Variants in IGF1R observed in about 807,000 individuals in gnomAD.
IGF1R encodes insulin like growth factor 1 receptor, also known as insulin-like growth factor 1 receptor.
A neutral mutation model predicts 144.6 loss-of-function variants in IGF1R; 44 were observed. The observed-to-expected ratio is 0.30, with a 90% CI of 0.24 to 0.39. The LOEUF (loss-of-function observed/expected upper bound fraction) is 0.39. Ranked by LOEUF, IGF1R falls within the 10% of genes least tolerant of loss-of-function variation. The pLI is 1.00. For synonymous variants in IGF1R, 795 were observed against 722.8 expected (o/e 1.10, Z -1.60); for missense variants, 1,355 against 1,833.7 (o/e 0.74, Z 4.77).
intron 1 of IGF1R, among the ~76,000 whole-genome samples, chr15:98,701,048 C>CT (rs1389333241): frequency 1.8e-4 from 28 of 152,114 alleles, no homozygotes; most frequent in African/African-American, 6.3e-4. Context: ...GTGATAGTGT[C>CT]TAGAGAGGGT....
intron 2 of IGF1R, among the ~76,000 whole-genome samples, chr15:98,726,555 C>G (rs2054364902): frequency 6.6e-6 from 1 of 152,074 alleles, no homozygotes; most frequent in South Asian, 2.1e-4. Context: ...ACATCTATGA[C>G]TCTTATGAGA....
At chr15:98,735,076 A>C (rs1234790076) in intron 2 of IGF1R, among the ~76,000 whole-genome samples, 1 of 152,186 alleles carries the variant, frequency 6.6e-6, no homozygotes, top group Non-Finnish European at 1.5e-5. Flanking sequence ...GGGTTCACCC[A>C]CAAGTTCCGA....
At chr15:98,934,090 G>A (rs1413859772) in intron 15 of IGF1R, among the ~76,000 whole-genome samples, 1 of 150,586 alleles carries the variant, frequency 6.6e-6, no homozygotes, top group Non-Finnish European at 1.5e-5. Flanking sequence ...CATGGAGTCA[G>A]TATTAAAGTT....
At chr15:98,895,677 C>T (rs942833292) in intron 3 of IGF1R, among the ~76,000 whole-genome samples, 14 of 152,108 alleles carry the variant, frequency 9.2e-5, no homozygotes, top group Non-Finnish European at 4.4e-5. Flanking sequence ...TTAAACAAAA[C>T]AGAACCCTGC....
chr15:98,838,390 A>G (rs747802937), intron 2 of IGF1R, among the ~76,000 whole-genome samples: 2 of 152,220 alleles, frequency 1.3e-5, no homozygotes, highest in Non-Finnish European at 2.9e-5. Context: ...CAGGCATTAC[A>G]ATTGAAAATG....
At position 98,837,563 on chromosome 15, in the gene IGF1R, C is replaced by T. The variant is rs117646051; in HGVS notation, c.641-53762C>T. Among the ~76,000 whole-genome samples the T allele has an allele frequency of 1.2e-3, 183 of 152,066 alleles. No individual in the cohort carries two copies. In the East Asian group the frequency reaches 0.025, roughly 21 times the overall value. ...TTTTTAAATTTTTTGTAGAAACTCA[C>T]TATGTTGCCCAGTCTGGTCTCGAAC... On this transcript the variant is annotated intron_variant, in intron 2 of 20. Transcript: ENST00000650285.
At chr15:98,804,702 A>G (rs1434948455) in intron 2 of IGF1R, among the ~76,000 whole-genome samples, 1 of 152,190 alleles carries the variant, frequency 6.6e-6, no homozygotes, top group African/African-American at 2.4e-5. Context: ...TGGAAGATAC[A>G]GGGAGCTGCA....
At position 98,704,976 on chromosome 15, in the gene IGF1R, G is replaced by T. The variant is rs188668540; in HGVS notation, c.95-2586G>T. Among the ~76,000 whole-genome samples the T allele has an allele frequency of 6.6e-6, 1 of 152,330 alleles. No homozygotes were observed. Among genetic ancestry groups the T allele is most frequent in the East Asian group, 1.9e-4 (1 of 5,178 alleles). ...CAACTCAGAGAATGAGAGTGCTGCA[G>T]TTTACAAGCTTGGAAGGTGGATTAT... On this transcript the variant is annotated intron_variant, in intron 1 of 20. Coordinates refer to ENST00000650285, the MANE Select transcript of IGF1R (RefSeq NM_000875.5). This position sits in a 1 kb window ranked among gnomAD's most constrained non-coding sequence, Gnocchi z 4.9.
In IGF1R at chr15:98,961,481, C is replaced by T; in HGVS notation, c.*4039C>T. The T allele has an allele frequency of 8.6e-6, 2 of 233,504 alleles. No individual in the cohort carries two copies. The highest frequency in any genetic ancestry group is 1.2e-4 in the East Asian group (2 of 16,578). 14.5% of individuals were successfully genotyped at this position (233,504 alleles called of 1,614,324 possible). A position where few individuals can be genotyped will look rare whatever the true frequency, so the allele number is the denominator to read the frequency against. ...CCCACCCACCTTGACTATACCAAGG[C>T]ATCATCTATCCACAGTTCTAGCCTA... On this transcript the variant is annotated 3_prime_UTR_variant, in exon 21 of 21. Transcript: ENST00000650285.
intron 18 of IGF1R, 75 bp downstream of exon 18, chr15:98,939,435 C>T: frequency 6.9e-7 from 1 of 1,447,550 alleles, no homozygotes; most frequent in East Asian, 2.3e-5. Flanking sequence ...CATTAGTCTG[C>T]CCCTGGAGAG....
At chr15:98,817,438 T>C (rs2056718875) in intron 2 of IGF1R, among the ~76,000 whole-genome samples, 1 of 152,032 alleles carries the variant, frequency 6.6e-6, no homozygotes, top group Admixed American at 6.6e-5. Context: ...AGTACTGTCA[T>C]CACAATGCAG....
At chr15:98,769,055 T>C (rs951404001) in intron 2 of IGF1R, among the ~76,000 whole-genome samples, 14 of 152,260 alleles carry the variant, frequency 9.2e-5, no homozygotes, top group African/African-American at 3.1e-4. Flanking sequence ...AAAAATTTTA[T>C]TTGACCTGTT....
chr15:98,911,325 C>T lies in IGF1R; in HGVS notation c.1473C>T (p.Asp491=), dbSNP rs377404946. 8.9e-5 allele frequency: 144 copies of T among 1,614,104 alleles called. No homozygotes were observed. The highest frequency in any genetic ancestry group is 2.1e-4 in the South Asian group (19 of 91,084). ...TACTCTTTGCCCCAGGTGAAAGTGA[C>T]GTCCTGCATTTCACCTCCACCACCA... ...NNGERASCES[D]VLHFTSTTTS... is the part of the protein sequence containing the mutation. The change falls in exon 7 of 21, where the codon GAC becomes GAT. Residue 491 remains aspartate (D), a synonymous_variant. Transcript: ENST00000650285.
intron 1 of IGF1R, among the ~76,000 whole-genome samples, chr15:98,665,483 T>G (rs943277354): frequency 6.6e-6 from 1 of 152,112 alleles, no homozygotes; most frequent in African/African-American, 2.4e-5. Context: ...CCCTTCAGTC[T>G]CTTCCTTCTT....
chr15:98,674,977 A>ATTTTTTTTTTTTTTTTTTTT lies in IGF1R; in HGVS notation c.94+25307_94+25326dup, dbSNP rs71149408. 1.2e-4 allele frequency among the ~76,000 whole-genome samples: 12 copies of ATTTTTTTTTTTTTTTTTTTT among 98,906 alleles called. 1 individual carries two copies. The highest frequency in any genetic ancestry group is 5.0e-4 in the African/African-American group (12 of 23,982). 64.9% of individuals were successfully genotyped at this position (98,906 alleles called of 152,430 possible). A position where few individuals can be genotyped will look rare whatever the true frequency, so the allele number is the denominator to read the frequency against. On this transcript the variant is annotated intron_variant, in intron 1 of 20. Coordinates refer to ENST00000650285, the MANE Select transcript of IGF1R (RefSeq NM_000875.5). Reference sequence around the variant, plus strand: ...AAATGCTAAATTTAGGTATTTTACAATTTTTTTTTTTTTTTTTTTTTTTTG... The same window carrying ATTTTTTTTTTTTTTTTTTTT: ...AAATGCTAAATTTAGGTATTTTACAATTTTTTTTTTTTTTTTTTTTTTTTTTTTTTTTTTTTTTTTTTTTG...
At chr15:98,727,836 G>A (rs541013790) in intron 2 of IGF1R, among the ~76,000 whole-genome samples, 409 of 152,210 alleles carry the variant, frequency 2.7e-3, no homozygotes, top group Middle Eastern at 0.014. Flanking sequence ...GCCCTGGTGC[G>A]CTGTCACCCC....
intron 2 of IGF1R, among the ~76,000 whole-genome samples, chr15:98,755,648 G>A (rs1342059634): frequency 7.5e-6 from 1 of 134,028 alleles, no homozygotes; most frequent in Non-Finnish European, 1.6e-5. Context: ...GAACCCAGGA[G>A]GCGGAGGTTG....
intron 2 of IGF1R, among the ~76,000 whole-genome samples, chr15:98,778,693 G>GT (rs1048180561): frequency 6.6e-6 from 1 of 152,234 alleles, no homozygotes; most frequent in Non-Finnish European, 1.5e-5. Flanking sequence ...CTCCTTGACT[G>GT]TGGTCCCTTT....
At chr15:98,814,014 A>C (rs1338972546) in intron 2 of IGF1R, among the ~76,000 whole-genome samples, 1 of 152,236 alleles carries the variant, frequency 6.6e-6, no homozygotes, top group Non-Finnish European at 1.5e-5. Context: ...TTTTACTTTC[A>C]ATGCTGAAGC....
Sources: allele counts gnomAD v4.1 joint callset (sites outside exome capture counted in the v4.1 genomes callset), GRCh38; gene constraint gnomAD v4.1.1; non-coding constraint Gnocchi (gnomAD v3.1); transcripts MANE v1.5; gene names NCBI Gene and HGNC (gene_info 2026-07-23, HGNC 2026-07-21).